Variants in FAM114A1 observed in about 807,000 individuals in gnomAD.
FAM114A1 encodes family with sequence similarity 114 member A1.
Under a neutral mutation model 64.3 loss-of-function variants are expected in FAM114A1, and 62 were observed. The ratio of observed to expected loss-of-function variants is 0.96; its 90% CI spans 0.79 to 1.19. The LOEUF is 1.19. FAM114A1 is among the 50% of genes most tolerant of loss of function. FAM114A1 has a pLI of 0.00. For missense variants in FAM114A1, 645 were observed against 676.3 expected (o/e 0.95, Z 0.51); for synonymous variants, 254 against 251.1 (o/e 1.01, Z -0.11).
intron 3 of FAM114A1, among the ~76,000 whole-genome samples, chr4:38,885,786 C>T (rs1715735933): frequency 6.6e-6 from 1 of 152,142 alleles, no homozygotes; most frequent in Non-Finnish European, 1.5e-5. Flanking sequence ...GCTGGCTGAC[C>T]ACCCTGGACT....
At chr4:38,929,660 C>T (rs1720469602) in intron 10 of FAM114A1, among the ~76,000 whole-genome samples, 1 of 152,140 alleles carries the variant, frequency 6.6e-6, no homozygotes, top group African/African-American at 2.4e-5. Flanking sequence ...GCCTGTAATC[C>T]CAGCTACTCG....
At chr4:38,868,835 A>G (rs1287625539) in intron 2 of FAM114A1, among the ~76,000 whole-genome samples, 1 of 152,004 alleles carries the variant, frequency 6.6e-6, no homozygotes, top group Admixed American at 6.6e-5. Context: ...TACCCCACCC[A>G]TAGGCCTGCG....
At position 38,927,884 on chromosome 4, in the gene FAM114A1, A is replaced by G. The variant is rs184457255; in HGVS notation, c.1070-1358A>G. 5.5e-4 allele frequency among the ~76,000 whole-genome samples: 83 copies of G among 152,224 alleles called. No homozygotes were observed. The Middle Eastern group carries it at 0.034, about 63-fold the overall frequency. On this transcript the variant is annotated intron_variant, in intron 9 of 14. Coordinates refer to ENST00000358869, the MANE Select transcript of FAM114A1 (RefSeq NM_138389.4). ...TTTTTAGTAGAGACGGGGTTTCACCATCTTGGCCAGGCTGGTCTCAAACTC... is the reference window on the plus strand; with the variant it reads ...TTTTTAGTAGAGACGGGGTTTCACCGTCTTGGCCAGGCTGGTCTCAAACTC...
At chr4:38,871,778 A>C (rs948384178) in intron 2 of FAM114A1, among the ~76,000 whole-genome samples, 1 of 152,242 alleles carries the variant, frequency 6.6e-6, no homozygotes, top group Non-Finnish European at 1.5e-5. Flanking sequence ...GAATTCTGCC[A>C]TAAACCCACA....
At chr4:38,905,498 G>A in intron 4 of FAM114A1, 24 bp from the exon 5 acceptor site, 1 of 1,562,060 alleles carries the variant, frequency 6.4e-7, no homozygotes. Context: ...ATGTATCCAT[G>A]AACCATATTT....
chr4:38,925,520 G>A (rs550032064), intron 9 of FAM114A1, among the ~76,000 whole-genome samples: 2 of 152,260 alleles, frequency 1.3e-5, no homozygotes, highest in African/African-American at 2.4e-5. Context: ...TAAGCATTAT[G>A]TTCCTAAAAG....
At chr4:38,902,684 T>C (rs1282338989) in intron 4 of FAM114A1, among the ~76,000 whole-genome samples, 1 of 152,158 alleles carries the variant, frequency 6.6e-6, no homozygotes, top group African/African-American at 2.4e-5. Flanking sequence ...TTTAGAACCA[T>C]GGAGTTTAGA....
rs183114292 is a variant in FAM114A1 at position 38,909,419 on chromosome 4, G to A, written c.792+693G>A. Among the ~76,000 whole-genome samples the A allele has an allele frequency of 6.3e-3, 960 of 152,286 alleles. 7 individuals are homozygous for A. The highest frequency in any genetic ancestry group is 9.5e-3 in the Non-Finnish European group (644 of 68,022). ...TTAAATTCTGTTTCTCTTGATATGT[G>A]CAAGGATGGTCTTCTCCTCTCACAC... is the stretch of plus-strand genomic sequence containing the variant. On this transcript the variant is annotated intron_variant, in intron 7 of 14. Transcript: ENST00000358869.
chr4:38,882,317 TC>T (rs1715363699), intron 3 of FAM114A1, among the ~76,000 whole-genome samples: 1 of 31,548 alleles, frequency 3.2e-5, no homozygotes, highest in Admixed American at 4.5e-4. Flanking sequence ...AGACTCCGTC[TC>T]AAAAAAAAAA....
At chr4:38,903,238 TC>T (rs1453653033) in intron 4 of FAM114A1, among the ~76,000 whole-genome samples, 1 of 152,226 alleles carries the variant, frequency 6.6e-6, no homozygotes, top group African/African-American at 2.4e-5. Flanking sequence ...TAGAGGCAGC[TC>T]GTGTATACAT....
intron 8 of FAM114A1, among the ~76,000 whole-genome samples, chr4:38,916,271 T>A (rs926538590): frequency 6.6e-6 from 1 of 152,202 alleles, no homozygotes; most frequent in Non-Finnish European, 1.5e-5. Context: ...GTCTTGTGGT[T>A]AAAACTGTTC....
chr4:38,918,375 C>T (rs1259395716), intron 8 of FAM114A1, among the ~76,000 whole-genome samples: 2 of 152,188 alleles, frequency 1.3e-5, no homozygotes, highest in Admixed American at 6.5e-5. Flanking sequence ...AGACTGTGTC[C>T]GTCTTGTGGC....
intron 3 of FAM114A1, among the ~76,000 whole-genome samples, chr4:38,890,965 C>G (rs1260062374): frequency 6.6e-6 from 1 of 152,188 alleles, no homozygotes; most frequent in Non-Finnish European, 1.5e-5. Flanking sequence ...CTAAGCCAGT[C>G]TCCATTCTGC....
intron 3 of FAM114A1, among the ~76,000 whole-genome samples, chr4:38,882,871 G>T (rs1032517329): frequency 1.3e-5 from 2 of 152,216 alleles, no homozygotes; most frequent in Non-Finnish European, 2.9e-5. Flanking sequence ...GGCAGATGGG[G>T]TGTTGCGACT....
intron 8 of FAM114A1, among the ~76,000 whole-genome samples, chr4:38,922,183 G>A (rs368936589): frequency 5.3e-5 from 8 of 152,182 alleles, no homozygotes; most frequent in Non-Finnish European, 7.4e-5. Context: ...CTCGTGATCC[G>A]CCTGCCTCGG....
chr4:38,894,146 G>C (rs1716676302), intron 4 of FAM114A1, among the ~76,000 whole-genome samples: 1 of 125,414 alleles, frequency 8.0e-6, no homozygotes, highest in South Asian at 2.8e-4. Flanking sequence ...CTGGGCAATA[G>C]AATGAGAGTA....
chr4:38,935,724 T>A lies in FAM114A1; in HGVS notation c.1470T>A (p.Thr490=). The A allele has an allele frequency of 6.3e-7, 1 of 1,596,770 alleles. No homozygotes were observed. The highest frequency in any genetic ancestry group is 8.5e-7 in the Non-Finnish European group (1 of 1,169,630). ...TTTTTTTTTCTTCTTTCAGATTAAC[T>A]ACTGCAATGTGCAATGAAGTGGCCT... ...QDQAKVLIKL[T]TAMCNEVASL... The change falls in exon 13 of 15, where the codon ACT becomes ACA. Residue 490 remains threonine (T), a synonymous_variant. Coordinates refer to ENST00000358869, the MANE Select transcript of FAM114A1 (RefSeq NM_138389.4).
intron 4 of FAM114A1, among the ~76,000 whole-genome samples, chr4:38,902,908 G>A (rs987313030): frequency 1.3e-4 from 20 of 152,054 alleles, no homozygotes; most frequent in Non-Finnish European, 2.8e-4. Context: ...GTCACACTAA[G>A]TAAAGTTTTA....
chr4:38,878,334 G>A lies in FAM114A1; in HGVS notation c.256G>A (p.Val86Met), dbSNP rs749782778. 81 of 1,614,240 alleles carry A rather than the reference G, an allele frequency of 5.0e-5. No individual in the cohort carries two copies. The Middle Eastern group carries it at 2.3e-3, about 46-fold the overall frequency. The change falls in exon 3 of 15, where the codon GTG (valine) becomes ATG (methionine). Residue 86 changes from valine (V) to methionine (M), a missense_variant. Coordinates refer to ENST00000358869, the MANE Select transcript of FAM114A1 (RefSeq NM_138389.4). ...CCTGGAGCCCCCTCTCAATGGAGAC[G>A]TGACTGAGGATACACTTGCTGAATG... is the stretch of plus-strand genomic sequence containing the variant. ...NALEPPLNGD[V>M]TEDTLAECID... is the part of the protein sequence containing the mutation.
Sources: allele counts gnomAD v4.1 joint callset (sites outside exome capture counted in the v4.1 genomes callset), GRCh38; gene constraint gnomAD v4.1.1; transcripts MANE v1.5; gene names NCBI Gene and HGNC (gene_info 2026-07-23, HGNC 2026-07-21).